Variants in RGS6 observed in about 807,000 individuals in gnomAD.
RGS6 encodes regulator of G protein signaling 6, also known as regulator of G-protein signaling 6.
In RGS6, 30 loss-of-function variants were observed where a neutral mutation model predicts 78.5. The observed-to-expected ratio is 0.38, with a 90% CI of 0.29 to 0.52. The LOEUF (loss-of-function observed/expected upper bound fraction) is 0.52. Ranked by LOEUF, RGS6 falls within the 20% of genes least tolerant of loss-of-function variation. RGS6 has a pLI of 0.85. For missense variants in RGS6, 495 were observed against 609.7 expected (o/e 0.81, Z 1.98); for synonymous variants, 206 against 206.0 (o/e 1.00, Z 0.00).
At chr14:72,455,449 T>C (rs2095606480) in intron 4 of RGS6, among the ~76,000 whole-genome samples, 1 of 152,244 alleles carries the variant, frequency 6.6e-6, no homozygotes, top group African/African-American at 2.4e-5. Context: ...GAGTCCCTGC[T>C]GGAATCGGTG....
chr14:72,146,226 T>C (rs2153625464), intron 2 of RGS6, among the ~76,000 whole-genome samples: 1 of 152,218 alleles, frequency 6.6e-6, no homozygotes, highest in African/African-American at 2.4e-5. Context: ...TCATGAGGGC[T>C]CTGCCCTCAT....
At chr14:72,456,281 G>A (rs1369673936) in intron 4 of RGS6, among the ~76,000 whole-genome samples, 6 of 152,186 alleles carry the variant, frequency 3.9e-5, no homozygotes, top group East Asian at 1.9e-4. Context: ...CCCATCAGTC[G>A]ATTTCCTGTG....
At chr14:72,469,864 A>T (rs566851595) in intron 7 of RGS6, 143 bp from the exon 8 acceptor site, 64 of 640,602 alleles carry the variant, frequency 1.0e-4, no homozygotes, top group Non-Finnish European at 1.8e-4. Context: ...GTCAAATGGG[A>T]TACATGTCCA....
At chr14:71,884,427 G>C in the RGS6 span, among the ~76,000 whole-genome samples, 1 of 152,184 alleles carries the variant, frequency 6.6e-6, no homozygotes, top group Admixed American at 6.5e-5. Flanking sequence ...TTTGGAGTTG[G>C]GGGGTATAGA....
intron 2 of RGS6, among the ~76,000 whole-genome samples, chr14:72,214,555 A>G (rs1463756243): frequency 6.6e-6 from 1 of 152,242 alleles, no homozygotes; most frequent in African/African-American, 2.4e-5. Flanking sequence ...CCCCCAAGGC[A>G]TGCAAATGTT....
intron 2 of RGS6, among the ~76,000 whole-genome samples, chr14:72,250,407 A>AAAAAC (rs1355186814): frequency 3.3e-5 from 5 of 151,344 alleles, no homozygotes; most frequent in African/African-American, 9.7e-5. Context: ...CCGAAAAAAA[A>AAAAAC]AAAAAACCCC....
intron 2 of RGS6, chr14:71,990,964 T>C (rs1595770989): frequency 2.4e-6 from 1 of 416,530 alleles, no homozygotes; most frequent in Non-Finnish European, 4.8e-6. Context: ...TTGACAGGCC[T>C]AATCACTCAC....
At chr14:71,873,539 T>G in the RGS6 span, among the ~76,000 whole-genome samples, 3 of 152,252 alleles carry the variant, frequency 2.0e-5, no homozygotes, top group Non-Finnish European at 4.4e-5. Flanking sequence ...ATTCTGGATA[T>G]TAGCCCTTTG....
intron 13 of RGS6, among the ~76,000 whole-genome samples, chr14:72,498,782 C>T (rs1011577030): frequency 2.6e-5 from 4 of 152,176 alleles, no homozygotes; most frequent in African/African-American, 9.7e-5. Context: ...GCACCCCAGG[C>T]GTTCTGAGGC....
At chr14:72,335,596 C>A (rs560160167) in intron 2 of RGS6, among the ~76,000 whole-genome samples, 1 of 152,154 alleles carries the variant, frequency 6.6e-6, no homozygotes, top group Non-Finnish European at 1.5e-5. Context: ...GTTTGTAGAA[C>A]AAGCACACTG....
chr14:72,168,990 C>T (rs1013172795), intron 2 of RGS6, among the ~76,000 whole-genome samples: 1 of 152,242 alleles, frequency 6.6e-6, no homozygotes, highest in Non-Finnish European at 1.5e-5. Flanking sequence ...TAGTCTTCCT[C>T]ACCTTCCACC....
intron 2 of RGS6, among the ~76,000 whole-genome samples, chr14:72,345,731 T>C (rs1378604078): frequency 6.6e-6 from 1 of 152,224 alleles, no homozygotes; most frequent in Non-Finnish European, 1.5e-5. Context: ...CCTGTTTTCA[T>C]AACTGTAGAA....
chr14:72,517,846 G>A (rs574451840), intron 14 of RGS6, among the ~76,000 whole-genome samples: 4 of 152,222 alleles, frequency 2.6e-5, no homozygotes, highest in Non-Finnish European at 5.9e-5. Flanking sequence ...GTCTCACACT[G>A]TCTGCATGGT....
At chr14:72,295,858 T>C (rs923428203) in intron 2 of RGS6, among the ~76,000 whole-genome samples, 5 of 152,236 alleles carry the variant, frequency 3.3e-5, no homozygotes, top group South Asian at 2.1e-4. Context: ...TAGAAGTTTG[T>C]TTCAGTTATT....
At chr14:72,037,220 G>A (rs1244261034) in intron 2 of RGS6, among the ~76,000 whole-genome samples, 1 of 152,158 alleles carries the variant, frequency 6.6e-6, no homozygotes, top group Non-Finnish European at 1.5e-5. Context: ...GGCCAAATAA[G>A]GGAATAAAAG....
intron 2 of RGS6, among the ~76,000 whole-genome samples, chr14:72,263,888 T>C (rs540904528): frequency 7.2e-5 from 11 of 152,356 alleles, no homozygotes; most frequent in Admixed American, 3.9e-4. Flanking sequence ...CTCATGTGAA[T>C]GTAGGTGCTC....
At chr14:72,198,718 T>G (rs2040783751) in intron 2 of RGS6, among the ~76,000 whole-genome samples, 1 of 152,234 alleles carries the variant, frequency 6.6e-6, no homozygotes, top group Non-Finnish European at 1.5e-5. Context: ...TCGAGTCATA[T>G]AGTTGTAACC....
At chr14:72,376,654 C>T (rs2084799546) in intron 3 of RGS6, among the ~76,000 whole-genome samples, 1 of 151,476 alleles carries the variant, frequency 6.6e-6, no homozygotes, top group East Asian at 1.9e-4. Flanking sequence ...CCATGTAGGC[C>T]AGGAAAGAAT....
chr14:72,261,847 G>A (rs1282433967), intron 2 of RGS6, among the ~76,000 whole-genome samples: 2 of 152,130 alleles, frequency 1.3e-5, no homozygotes, highest in Non-Finnish European at 2.9e-5. Flanking sequence ...TTGAATTAAA[G>A]CAAATTACTT....
Sources: allele counts gnomAD v4.1 joint callset (sites outside exome capture counted in the v4.1 genomes callset), GRCh38; gene constraint gnomAD v4.1.1; transcripts MANE v1.5; gene names NCBI Gene and HGNC (gene_info 2026-07-23, HGNC 2026-07-21).